Variants in ARFGEF3 observed in about 807,000 individuals in gnomAD.
The protein encoded by ARFGEF3 is brefeldin A-inhibited guanine nucleotide-exchange protein 3.
Under a neutral mutation model 221.7 loss-of-function variants are expected in ARFGEF3, and 96 were observed. That is an observed-to-expected ratio of 0.43 (90% CI 0.37 to 0.51). ARFGEF3 has a LOEUF of 0.51. Among genes scored for constraint, ARFGEF3 ranks in the 20% least tolerant of loss-of-function variants. The pLI, the probability that ARFGEF3 is intolerant of heterozygous loss-of-function variation, is 0.00. For missense variants in ARFGEF3, 2,410 were observed against 2,789.9 expected (o/e 0.86, Z 3.07); for synonymous variants, 1,145 against 1,126.8 (o/e 1.02, Z -0.32).
At chr6:138,169,310 G>A (rs1184595116) in intron 1 of ARFGEF3, among the ~76,000 whole-genome samples, 3 of 152,182 alleles carry the variant, frequency 2.0e-5, no homozygotes, top group Non-Finnish European at 4.4e-5. Context: ...GTTCCACACT[G>A]ATCCCATGTG....
intron 23 of ARFGEF3, among the ~76,000 whole-genome samples, chr6:138,307,921 G>C (rs1329995538): frequency 1.3e-5 from 2 of 152,178 alleles, no homozygotes; most frequent in African/African-American, 2.4e-5. Flanking sequence ...TCGTGACTAA[G>C]TTTTAGCAAC....
chr6:138,274,278 G>C (rs1229223489), intron 12 of ARFGEF3, among the ~76,000 whole-genome samples: 1 of 151,970 alleles, frequency 6.6e-6, no homozygotes, highest in Non-Finnish European at 1.5e-5. Flanking sequence ...TTTCATCTAT[G>C]ATCCAGGGTA....
chr6:138,321,157 T>C lies in ARFGEF3; in HGVS notation c.4698T>C (p.Phe1566=). The C allele has an allele frequency of 6.4e-7, 1 of 1,565,338 alleles. No homozygotes were observed. The highest frequency in any genetic ancestry group is 8.7e-7 in the Non-Finnish European group (1 of 1,153,478). Residue 1566 remains phenylalanine, a synonymous_variant, in exon 29 of 34, where the codon TTT becomes TTC. Coordinates refer to ENST00000251691, the MANE Select transcript of ARFGEF3 (RefSeq NM_020340.5). The stretch of plus-strand genomic sequence containing the variant: ...TCAATACCATGCTGAAGGACCTCTT[T>C]GAGTTGCTGGTCGCCTGTGTGGCCA... ...SMINTMLKDL[F]ELLVACVAKP... is the part of the protein sequence containing the mutation.
chr6:138,255,797 G>T, intron 10 of ARFGEF3, 28 bp downstream of exon 10: 1 of 1,471,304 alleles, frequency 6.8e-7, no homozygotes. Context: ...ATCGCCACCA[G>T]GTTTACAAGG....
At chr6:138,210,109 T>C (rs1455976121) in intron 4 of ARFGEF3, 68 bp downstream of exon 4, 59 of 1,510,778 alleles carry the variant, frequency 3.9e-5, no homozygotes, top group Non-Finnish European at 5.1e-5. Flanking sequence ...CTGCACTTGT[T>C]ATCTGAAAAT....
chr6:138,178,937 C>T (rs370262965), intron 2 of ARFGEF3, among the ~76,000 whole-genome samples: 1 of 152,134 alleles, frequency 6.6e-6, no homozygotes. Context: ...AAGCCCTGCC[C>T]CACCTAATGT....
intron 4 of ARFGEF3, 121 bp from the exon 5 acceptor site, chr6:138,229,663 T>G (rs1030221649): frequency 6.8e-6 from 5 of 740,612 alleles, no homozygotes; most frequent in Non-Finnish European, 1.2e-5. Flanking sequence ...AAAGAAATAT[T>G]AGGTAAAGCA....
intron 20 of ARFGEF3, among the ~76,000 whole-genome samples, chr6:138,296,032 G>T (rs1371870848): frequency 2.6e-5 from 4 of 152,176 alleles, no homozygotes; most frequent in African/African-American, 9.6e-5. Flanking sequence ...GGAAGATGAA[G>T]GTTGTCACCT....
intron 18 of ARFGEF3, 74 bp downstream of exon 18, chr6:138,290,042 GAGAGGGGTGGCCT>G: frequency 6.8e-7 from 1 of 1,477,518 alleles, no homozygotes; most frequent in East Asian, 2.3e-5. Context: ...GTGGCAGGTG[GAGAGGGGTGGCCT>G]TAAGAGCCTG....
rs556063576 is a variant in ARFGEF3 at position 138,193,464 on chromosome 6, C to T, written c.138-13578C>T. ...CTATGGGTTCCATATAGGCAGGAAC[C>T]GTGTGTCTCATTCATCGTTATGTGT... On this transcript the variant is annotated intron_variant, in intron 2 of 33. Coordinates refer to ENST00000251691, the MANE Select transcript of ARFGEF3 (RefSeq NM_020340.5). Among the ~76,000 whole-genome samples, 135 of 152,250 alleles carry T rather than the reference C, an allele frequency of 8.9e-4. 1 individual carries two copies. The highest frequency in any genetic ancestry group is 7.7e-3 in the South Asian group (37 of 4,824).
intron 4 of ARFGEF3, among the ~76,000 whole-genome samples, chr6:138,214,920 C>T (rs895926114): frequency 6.6e-6 from 1 of 152,114 alleles, no homozygotes; most frequent in Non-Finnish European, 1.5e-5. Context: ...ATTGAAATGG[C>T]TATGGAACCC....
At chr6:138,194,989 ATTTTTTTTTTTTT>A (rs747099029) in intron 2 of ARFGEF3, among the ~76,000 whole-genome samples, 19 of 84,130 alleles carry the variant, frequency 2.3e-4, no homozygotes, top group African/African-American at 7.5e-4. Flanking sequence ...CTTTTCCCTA[ATTTTTTTTTTTTT>A]TTTTTTTTTT....
intron 2 of ARFGEF3, among the ~76,000 whole-genome samples, chr6:138,190,692 A>AG (rs1189545283): frequency 6.6e-6 from 1 of 152,202 alleles, no homozygotes; most frequent in East Asian, 1.9e-4. Context: ...CGATTCGAAC[A>AG]GGAACAGTTC....
At position 138,341,487 on chromosome 6, in the gene ARFGEF3, T is replaced by G. The variant is rs1780429189; in HGVS notation, c.*5001T>G. On this transcript the variant is annotated 3_prime_UTR_variant, in exon 34 of 34. Coordinates refer to ENST00000251691, the MANE Select transcript of ARFGEF3 (RefSeq NM_020340.5). ...GTAAGCAGATGACAAAACTTCAATA[T>G]GCTTGGGCACCACTTAGGTGACCCC... The G allele has an allele frequency of 6.5e-6, 1 of 154,796 alleles. No homozygotes were observed. The highest frequency in any genetic ancestry group is 6.5e-5 in the Admixed American group (1 of 15,288). The allele number at this position is 154,796 out of a possible 1,614,324, so 9.6% of individuals were successfully genotyped here.
chr6:138,209,940 A>G lies in ARFGEF3; in HGVS notation c.250A>G (p.Met84Val), dbSNP rs1777692520. Reference sequence around the variant, plus strand: ...TCTGTCGGAAGAGAGGTTTGTATCCATGGAAACAGATTCTGATGAGAAGCA... The same window carrying G: ...TCTGTCGGAAGAGAGGTTTGTATCCGTGGAAACAGATTCTGATGAGAAGCA... ...KLLSEERFVS[M>V]ETDSDEKQLL... is the part of the protein sequence containing the mutation. Residue 84 changes from methionine to valine, a missense_variant, in exon 4 of 34, where the codon ATG becomes GTG. Met to Val is a conservative substitution (Grantham distance 21). Around this residue, in one of 5 missense-constraint regions of ARFGEF3, gnomAD observed 570 missense variants for 586.9 expected, o/e 0.97. Coordinates refer to ENST00000251691, the MANE Select transcript of ARFGEF3 (RefSeq NM_020340.5). 1.2e-6 allele frequency: 2 copies of G among 1,613,870 alleles called. No individual in the cohort carries two copies. The highest frequency in any genetic ancestry group is 1.3e-5 in the African/African-American group (1 of 75,044).
At chr6:138,257,857 G>A (rs1367808159) in intron 10 of ARFGEF3, among the ~76,000 whole-genome samples, 1 of 152,192 alleles carries the variant, frequency 6.6e-6, no homozygotes, top group Non-Finnish European at 1.5e-5. Flanking sequence ...TCCAAAGGTT[G>A]CAAGTTCAAA....
Position 138,229,198 on chromosome 6 carries a change from A to G in ARFGEF3, c.352-586A>G, listed in dbSNP as rs182010593. ...TTCTAATTCCGTGTGGATTTGGGAA[A>G]GGGATAGGAATAGAAAATGACACTG... On this transcript the variant is annotated intron_variant, in intron 4 of 33. Coordinates refer to ENST00000251691, the MANE Select transcript of ARFGEF3 (RefSeq NM_020340.5). 2.4e-3 allele frequency among the ~76,000 whole-genome samples: 366 copies of G among 152,344 alleles called. 1 individual carries two copies. The highest frequency in any genetic ancestry group is 4.8e-3 in the Non-Finnish European group (326 of 68,022).
At chr6:138,319,942 A>T (rs1779993345) in intron 28 of ARFGEF3, 63 bp downstream of exon 28, 1 of 1,415,176 alleles carries the variant, frequency 7.1e-7, no homozygotes, top group Admixed American at 1.9e-5. Flanking sequence ...CCGTCAGCTA[A>T]AACGGTGTAG....
rs568089582 is a variant in ARFGEF3, at chr6:138,337,573, T to C, written c.*1087T>C. On this transcript the variant is annotated 3_prime_UTR_variant, in exon 34 of 34. Coordinates refer to ENST00000251691, the MANE Select transcript of ARFGEF3 (RefSeq NM_020340.5). Reference sequence around the variant, plus strand: ...ATACAACAATCTTGCAAAATTATGGTGTCAGTTACACAAGCTCTAGTCTCA... The same window carrying C: ...ATACAACAATCTTGCAAAATTATGGCGTCAGTTACACAAGCTCTAGTCTCA... 77 of 152,640 alleles carry C rather than the reference T, an allele frequency of 5.0e-4. No individual in the cohort carries two copies. Among genetic ancestry groups the C allele is most frequent in the African/African-American group, 1.8e-3 (73 of 41,534 alleles). The allele number at this position is 152,640 out of a possible 1,614,324, so 9.5% of individuals were successfully genotyped here. A position where few individuals can be genotyped will look rare whatever the true frequency, so the allele number is the denominator to read the frequency against.
Sources: gnomAD v4.1 joint callset for allele counts (sites outside exome capture counted in the v4.1 genomes callset) on GRCh38, gnomAD v4.1.1 for gene constraint, gnomAD v4.1.1 regional missense constraint, MANE v1.5 for transcripts, NCBI Gene and HGNC (gene_info 2026-07-23, HGNC 2026-07-21) for gene names.